Variants in SCAP observed in about 807,000 individuals in gnomAD.
SCAP encodes sterol regulatory element-binding protein cleavage-activating protein.
Under a neutral mutation model 123.6 loss-of-function variants are expected in SCAP, and 65 were observed. The ratio of observed to expected loss-of-function variants is 0.53; its 90% CI spans 0.43 to 0.65. SCAP has a LOEUF of 0.65. SCAP is among the 30% of genes least tolerant of loss of function. SCAP has a pLI of 0.00. For synonymous variants in SCAP, 740 were observed against 726.3 expected, an observed-to-expected ratio of 1.02 and a Z score of -0.30; for missense variants, 1,398 against 1,712.5, an observed-to-expected ratio of 0.82 and a Z score of 3.24.
At chr3:47,440,248 T>C (rs982464295) in intron 2 of SCAP, among the ~76,000 whole-genome samples, 1 of 152,208 alleles carries the variant, frequency 6.6e-6, no homozygotes, top group African/African-American at 2.4e-5. Context: ...TCTATATCCA[T>C]ACTTTATTTT....
chr3:47,418,835 C>T lies in SCAP; in HGVS notation c.1949G>A (p.Ser650Asn). ...YNITLAKRYI[S>N]LLPVIPVTLR... The stretch of plus-strand genomic sequence containing the variant: ...CGTGACTGGGATGACGGGCAGCAGG[C>T]TGATGTACCTGGATTCGGACAGTGG... The change falls in exon 14 of 23, where the codon AGC becomes AAC. Residue 650 changes from serine (S) to asparagine (N), a missense_variant. Transcript: ENST00000265565. The T allele has an allele frequency of 1.3e-6, 2 of 1,522,360 alleles. No individual in the cohort carries two copies. Among genetic ancestry groups the T allele is most frequent in the Non-Finnish European group, 1.8e-6 (2 of 1,138,370 alleles). 94.3% of individuals were successfully genotyped at this position (1,522,360 alleles called of 1,614,324 possible). A position where few individuals can be genotyped will look rare whatever the true frequency, so the allele number is the denominator to read the frequency against.
At position 47,420,898 on chromosome 3, in the gene SCAP, A is replaced by G. The variant is rs1372364368; in HGVS notation, c.1344+33T>C. On this transcript the variant is annotated intron_variant, in intron 11 of 22. Coordinates refer to ENST00000265565, the MANE Select transcript of SCAP (RefSeq NM_012235.4). The surrounding 1 kb of genome is among the most constrained non-coding windows in gnomAD (Gnocchi z 5.0). The stretch of plus-strand genomic sequence containing the variant: ...TCCCTCAGTACAGCCAGGGCTGAGG[A>G]GGCGGGCAGGGCAGGGCTCAGCCCA... 1 of 1,596,320 alleles carries G rather than the reference A, an allele frequency of 6.3e-7. No individual in the cohort carries two copies. The highest frequency in any genetic ancestry group is 8.6e-7 in the Non-Finnish European group (1 of 1,164,200).
intron 2 of SCAP, among the ~76,000 whole-genome samples, chr3:47,437,302 G>A (rs1706615791): frequency 6.6e-6 from 1 of 151,762 alleles, no homozygotes; most frequent in African/African-American, 2.4e-5. Context: ...AGCCGGGCGT[G>A]GTGGCGTATG....
At position 47,419,322 on chromosome 3, in the gene SCAP, G is replaced by C; in HGVS notation, c.1940+6C>G. 1 of 1,602,168 alleles carries C rather than the reference G, an allele frequency of 6.2e-7. No individual in the cohort carries two copies. The highest frequency in any genetic ancestry group is 8.5e-7 in the Non-Finnish European group (1 of 1,172,386). On this transcript the variant is annotated splice_donor_region_variant and intron_variant, in intron 13 of 22. Coordinates refer to ENST00000265565, the MANE Select transcript of SCAP (RefSeq NM_012235.4). This position sits in a 1 kb window ranked among gnomAD's most constrained non-coding sequence, Gnocchi z 5.0. The stretch of plus-strand genomic sequence containing the variant: ...GTGAGGTGGCACCTGGCACGGCCCA[G>C]CTCACCTCTTGGCCAGTGTGATGTT...
rs1426265520 is a variant in SCAP, at chr3:47,414,611, C to T, written c.3348G>A (p.Gln1116=). 8.7e-6 allele frequency: 14 copies of T among 1,613,342 alleles called. No homozygotes were observed. The highest frequency in any genetic ancestry group is 1.1e-5 in the Non-Finnish European group (13 of 1,180,038). Residue 1116 remains glutamine, a synonymous_variant, in exon 21 of 23, where the codon CAG becomes CAA. Coordinates refer to ENST00000265565, the MANE Select transcript of SCAP (RefSeq NM_012235.4). The part of the protein sequence containing the change: ...LEDSCCLFTL[Q]GHSGAITTVY... ...CGGTCGTGATGGCCCCTGAGTGGCC[C>T]TGAAGGGTGAAGAGGCAGCACGAGT...
chr3:47,418,062 G>C, intron 16 of SCAP, 72 bp downstream of exon 16: 1 of 1,087,994 alleles, frequency 9.2e-7, no homozygotes, highest in Non-Finnish European at 1.3e-6. Flanking sequence ...AAGGAGGGGA[G>C]ATACGTGGCG....
intron 3 of SCAP, 103 bp downstream of exon 3, chr3:47,434,905 C>A (rs1489286640): frequency 1.6e-5 from 23 of 1,443,326 alleles, no homozygotes; most frequent in Non-Finnish European, 2.2e-5. Context: ...CATGAATTCA[C>A]AAATCAGAAG....
rs753731611 is a variant in SCAP, at chr3:47,417,430, G to C, written c.2844C>G (p.Asp948Glu). 6.4e-6 allele frequency: 10 copies of C among 1,558,732 alleles called. No homozygotes were observed. In the African/African-American group the frequency reaches 1.4e-4, roughly 21 times the overall value. ...PGPVLSQAPE[D>E]EGGSPEKGSP... The stretch of plus-strand genomic sequence containing the variant: ...AGCCTTTCTCGGGGGAGCCACCCTC[G>C]TCCTCAGGGGCCTGGGACAGCACCG... The change falls in exon 17 of 23, where the codon GAC (aspartate) becomes GAG (glutamate). Residue 948 changes from aspartate to glutamate, a missense_variant. Coordinates refer to ENST00000265565, the MANE Select transcript of SCAP (RefSeq NM_012235.4).
In SCAP at chr3:47,425,118, AGT is replaced by A. The variant is rs928102131; in HGVS notation, c.1037+365_1037+366del. Among the ~76,000 whole-genome samples the A allele has an allele frequency of 3.3e-5, 5 of 152,290 alleles. No individual in the cohort carries two copies. In the East Asian group the frequency reaches 5.8e-4, roughly 18 times the overall value. On this transcript the variant is annotated intron_variant, in intron 8 of 22. Transcript: ENST00000265565. ...CCAGTGGCTTAAGCCATCAAGCTGCAGTGTGTGTGTGGTGTGTGTATATAGAA... is the reference window on the plus strand; with the variant it reads ...CCAGTGGCTTAAGCCATCAAGCTGCAGTGTGTGTGGTGTGTGTATATAGAA...
At chr3:47,469,849 C>T in intron 1 of SCAP, 1 of 581,794 alleles carries the variant, frequency 1.7e-6, no homozygotes, top group Admixed American at 2.0e-5. Context: ...CCATTTTGAT[C>T]ATAGTGCAAA....
chr3:47,417,084 G>T, intron 18 of SCAP, 38 bp downstream of exon 18: 4 of 1,586,152 alleles, frequency 2.5e-6, no homozygotes, highest in Non-Finnish European at 3.5e-6. Context: ...AGCCAACAAA[G>T]GCTGGGGACA....
At position 47,420,935 on chromosome 3, in the gene SCAP, A is replaced by T; in HGVS notation, c.1340T>A (p.Met447Lys). ...CAGGGCTCAGCCCACTCCTACCTCC[A>T]TCCGGCGAATGTCAATGGACAGGAC... is the stretch of plus-strand genomic sequence containing the variant. Reference protein sequence around the residue: ...TTVLSIDIRRMELADLNKRLP... With the variant: ...TTVLSIDIRRKELADLNKRLP... The change falls in exon 11 of 23, where the codon ATG (methionine) becomes AAG (lysine). Residue 447 changes from methionine to lysine, a missense_variant. Around this residue, in one of 7 missense-constraint regions of SCAP, gnomAD observed 66 missense variants for 116.3 expected, o/e 0.57. Coordinates refer to ENST00000265565, the MANE Select transcript of SCAP (RefSeq NM_012235.4). This position sits in a 1 kb window ranked among gnomAD's most constrained non-coding sequence, Gnocchi z 5.0. The T allele has an allele frequency of 6.2e-7, 1 of 1,613,704 alleles. No individual in the cohort carries two copies. The highest frequency in any genetic ancestry group is 8.5e-7 in the Non-Finnish European group (1 of 1,179,812).
chr3:47,449,555 A>G (rs1707172128), intron 1 of SCAP, among the ~76,000 whole-genome samples: 1 of 124,124 alleles, frequency 8.1e-6, no homozygotes, highest in African/African-American at 2.8e-5. Context: ...GCAAGAGAAA[A>G]GGAGAAAAGA....
In SCAP at chr3:47,426,045, G is replaced by A; in HGVS notation, c.862C>T (p.Leu288Phe). ...AACAAGATGATGTAGGTGGTCACAA[G>A]GGGGATGAGCTCAGCGACACCAATC... ...EEIGVAELIP[L>F]VTTYIILFAY... The change falls in exon 7 of 23, where the codon CTT becomes TTT. Residue 288 changes from leucine to phenylalanine, a missense_variant. Around this residue, in one of 7 missense-constraint regions of SCAP, gnomAD observed 319 missense variants for 432.4 expected, o/e 0.74. Transcript: ENST00000265565. The A allele has an allele frequency of 1.9e-6, 3 of 1,614,210 alleles. No individual in the cohort carries two copies. The highest frequency in any genetic ancestry group is 2.5e-6 in the Non-Finnish European group (3 of 1,180,018).
At chr3:47,467,386 C>T (rs943607832) in intron 1 of SCAP, among the ~76,000 whole-genome samples, 5 of 152,002 alleles carry the variant, frequency 3.3e-5, no homozygotes, top group African/African-American at 1.2e-4. Flanking sequence ...GGATGGGTCA[C>T]TTGAGCTCAG....
At chr3:47,433,992 T>C (rs1197627091) in intron 3 of SCAP, among the ~76,000 whole-genome samples, 2 of 152,160 alleles carry the variant, frequency 1.3e-5, no homozygotes, top group Non-Finnish European at 2.9e-5. Flanking sequence ...ACCACAAAAC[T>C]GGTTTCAGCC....
Position 47,418,470 on chromosome 3 carries a change from A to G in SCAP, c.2182T>C (p.Cys728Arg). 6.2e-7 allele frequency: 1 copy of G among 1,600,322 alleles called. No individual in the cohort carries two copies. ...CGCGGGCATAGCACGCGGTAGAGGC[A>G]GAGCAGCAGCAGCACCAAGACGATG... is the stretch of plus-strand genomic sequence containing the variant. ...TGIVLVLLLL[C>R]LYRVLCPRNY... Residue 728 changes from cysteine to arginine, a missense_variant, in exon 15 of 23, where the codon TGC becomes CGC. Physicochemically the swap from Cys to Arg is radical, Grantham distance 180. Coordinates refer to ENST00000265565, the MANE Select transcript of SCAP (RefSeq NM_012235.4).
chr3:47,435,415 T>TA (rs1360615350), intron 2 of SCAP, among the ~76,000 whole-genome samples: 1 of 151,846 alleles, frequency 6.6e-6, no homozygotes, highest in African/African-American at 2.4e-5. Context: ...TAAGTATGTA[T>TA]AAATATACTT....
At chr3:47,425,294 C>T (rs1706075635) in intron 8 of SCAP, 191 bp downstream of exon 8, 1 of 635,614 alleles carries the variant, frequency 1.6e-6, no homozygotes, top group Non-Finnish European at 2.6e-6. Flanking sequence ...GCTAGATATG[C>T]TATATACAAA....
Sources: gnomAD v4.1 joint callset for allele counts (sites outside exome capture counted in the v4.1 genomes callset) on GRCh38, gnomAD v4.1.1 for gene constraint, gnomAD v4.1.1 regional missense constraint, Gnocchi (gnomAD v3.1) non-coding constraint, MANE v1.5 for transcripts, NCBI Gene and HGNC (gene_info 2026-07-23, HGNC 2026-07-21) for gene names.